The following EBF2 variants were observed in gnomAD, a reference collection of about 807,000 sequenced individuals.
The protein encoded by EBF2 is transcription factor COE2.
Under a neutral mutation model 72.8 loss-of-function variants are expected in EBF2, and 21 were observed. The ratio of observed to expected loss-of-function variants is 0.29; its 90% CI spans 0.20 to 0.42. EBF2 has a LOEUF of 0.42. EBF2 is among the 10% of genes least tolerant of loss of function. The probability of loss-of-function intolerance (pLI) is 1.00; values close to 1 mark genes in which losing one functional copy is unlikely to be tolerated. For missense variants in EBF2, 637 were observed against 731.2 expected, an observed-to-expected ratio of 0.87 and a Z score of 1.49; for synonymous variants, 299 against 274.2, an observed-to-expected ratio of 1.09 and a Z score of -0.89.
chr8:25,895,966 AT>A (rs1351140159), intron 7 of EBF2, among the ~76,000 whole-genome samples: 1 of 151,472 alleles, frequency 6.6e-6, no homozygotes, highest in Non-Finnish European at 1.5e-5. Flanking sequence ...TTAAGTACTT[AT>A]CCTTCTCAAA....
At chr8:25,930,563 C>T (rs1005764158) in intron 6 of EBF2, among the ~76,000 whole-genome samples, 1 of 152,130 alleles carries the variant, frequency 6.6e-6, no homozygotes, top group African/African-American at 2.4e-5. Flanking sequence ...AAAGTGTCCT[C>T]ATTTAGTTGA....
chr8:25,948,448 C>T (rs1487703440), intron 6 of EBF2, among the ~76,000 whole-genome samples: 4 of 152,178 alleles, frequency 2.6e-5, no homozygotes, highest in African/African-American at 4.8e-5. Flanking sequence ...AGTTACAGTG[C>T]CTGGTGAGGG....
chr8:25,924,991 T>C (rs1379103471), intron 6 of EBF2, among the ~76,000 whole-genome samples: 1 of 152,148 alleles, frequency 6.6e-6, no homozygotes, highest in Non-Finnish European at 1.5e-5. Flanking sequence ...AGACCTGTTT[T>C]TGGGGGCTTT....
At chr8:25,893,013 C>T (rs1363279672) in intron 7 of EBF2, among the ~76,000 whole-genome samples, 1 of 152,172 alleles carries the variant, frequency 6.6e-6, no homozygotes, top group African/African-American at 2.4e-5. Context: ...TGCTCACGTT[C>T]TTATCAAAGT....
intron 6 of EBF2, among the ~76,000 whole-genome samples, chr8:25,917,199 G>GGT (rs1554569943): frequency 3.8e-4 from 55 of 143,138 alleles, no homozygotes; most frequent in Admixed American, 1.8e-3. Context: ...GTGGTTTGGG[G>GGT]TTTTTTTTTT....
chr8:25,884,621 C>A (rs1352386161), intron 10 of EBF2, among the ~76,000 whole-genome samples: 2 of 152,186 alleles, frequency 1.3e-5, no homozygotes, highest in Non-Finnish European at 2.9e-5. Context: ...ACCTTCCTCC[C>A]TTCTATACCC....
intron 6 of EBF2, among the ~76,000 whole-genome samples, chr8:25,958,711 C>T (rs1372455325): frequency 2.0e-5 from 3 of 152,182 alleles, no homozygotes; most frequent in Non-Finnish European, 2.9e-5. Context: ...ATGCCAGTGA[C>T]GGGCCATTGT....
At chr8:25,893,567 C>T (rs925725193) in intron 7 of EBF2, among the ~76,000 whole-genome samples, 2 of 152,096 alleles carry the variant, frequency 1.3e-5, no homozygotes, top group African/African-American at 2.4e-5. Flanking sequence ...CATGAGCCAC[C>T]GCACCCAGCC....
chr8:25,959,410 C>T (rs531673900), intron 6 of EBF2, among the ~76,000 whole-genome samples: 11 of 151,994 alleles, frequency 7.2e-5, no homozygotes, highest in African/African-American at 2.4e-4. Flanking sequence ...TCACCAAGTT[C>T]GTCAGGCTGG....
At chr8:25,866,453 T>TATATAATATATAGGATATATAATATAAAA (rs1563381322) in intron 10 of EBF2, among the ~76,000 whole-genome samples, 36 of 142,852 alleles carry the variant, frequency 2.5e-4, no homozygotes, top group African/African-American at 9.2e-4. Flanking sequence ...AATATATATA[T>TATATAATATATAGGATATATAATATAAAA]ATATATAATA....
intron 13 of EBF2, among the ~76,000 whole-genome samples, chr8:25,858,951 G>A (rs1046513590): frequency 5.9e-5 from 9 of 152,008 alleles, no homozygotes; most frequent in East Asian, 1.9e-4. Context: ...GAGCCAGTGC[G>A]CCCAGCCCAT....
chr8:25,932,950 T>G (rs544324828), intron 6 of EBF2, among the ~76,000 whole-genome samples: 2 of 152,284 alleles, frequency 1.3e-5, no homozygotes, highest in Admixed American at 6.5e-5. Flanking sequence ...CTGTATCCAC[T>G]GTTGCAAAAT....
chr8:25,942,983 G>A (rs754084280), intron 6 of EBF2, among the ~76,000 whole-genome samples: 16 of 152,170 alleles, frequency 1.1e-4, no homozygotes, highest in African/African-American at 1.7e-4. Flanking sequence ...ATTTCCCTCC[G>A]TGAAACCTAT....
chr8:26,042,289 G>C, intron 1 of EBF2, 38 bp from the exon 2 acceptor site: 1 of 1,586,700 alleles, frequency 6.3e-7, no homozygotes, highest in Non-Finnish European at 8.6e-7. Context: ...CAAGACACGG[G>C]GAAGCACAAA....
At chr8:26,030,944 G>A (rs1268433806) in intron 6 of EBF2, among the ~76,000 whole-genome samples, 1 of 152,196 alleles carries the variant, frequency 6.6e-6, no homozygotes, top group African/African-American at 2.4e-5. Flanking sequence ...TGTAATATGT[G>A]TGTTACATAG....
chr8:25,951,500 T>C (rs947727363), intron 6 of EBF2, among the ~76,000 whole-genome samples: 1 of 152,234 alleles, frequency 6.6e-6, no homozygotes, highest in Non-Finnish European at 1.5e-5. Context: ...CCTGGTATTT[T>C]CATGATGGCT....
chr8:25,842,808 G>C lies in EBF2; in HGVS notation c.*1801C>G, dbSNP rs892824372. ...TGGGCCTGCATCAATGGGTCAAAGA[G>C]AAGGTATGCAGAATTAATGAAATCA... On this transcript the variant is annotated 3_prime_UTR_variant, in exon 16 of 16. Coordinates refer to ENST00000520164, the MANE Select transcript of EBF2 (RefSeq NM_022659.4). 6.6e-6 allele frequency: 1 copy of C among 152,192 alleles called. No homozygotes were observed. The highest frequency in any genetic ancestry group is 1.5e-5 in the Non-Finnish European group (1 of 68,022). 9.4% of individuals were successfully genotyped at this position (152,192 alleles called of 1,614,324 possible).
At chr8:26,033,266 G>A in intron 5 of EBF2, 113 bp from the exon 6 acceptor site, 1 of 1,015,910 alleles carries the variant, frequency 9.8e-7, no homozygotes, top group Non-Finnish European at 1.5e-6. Context: ...TCTGTCACCA[G>A]GCTGTAGTAC....
At chr8:26,042,370 G>T in intron 1 of EBF2, 119 bp from the exon 2 acceptor site, 1 of 1,273,626 alleles carries the variant, frequency 7.9e-7, no homozygotes, top group Non-Finnish European at 1.1e-6. Context: ...CCAGAGTTCT[G>T]AACCCTTCGG....
Sources: allele counts gnomAD v4.1 joint callset (sites outside exome capture counted in the v4.1 genomes callset), GRCh38; gene constraint gnomAD v4.1.1; transcripts MANE v1.5; gene names NCBI Gene and HGNC (gene_info 2026-07-23, HGNC 2026-07-21).